The following SHISA6 variants were observed in gnomAD, a reference collection of about 807,000 sequenced individuals.
SHISA6 encodes the protein shisa family member 6.
A neutral mutation model predicts 47.9 loss-of-function variants in SHISA6; 22 were observed. The ratio of observed to expected loss-of-function variants is 0.46; its 90% CI spans 0.33 to 0.66. The LOEUF is 0.66. Among genes scored for constraint, SHISA6 ranks in the 30% least tolerant of loss-of-function variants. The pLI, the probability that SHISA6 is intolerant of heterozygous loss-of-function variation, is 0.02. For synonymous variants in SHISA6, 388 were observed against 337.8 expected, an observed-to-expected ratio of 1.15 and a Z score of -1.63; for missense variants, 680 against 764.6, an observed-to-expected ratio of 0.89 and a Z score of 1.30.
intron 3 of SHISA6, among the ~76,000 whole-genome samples, chr17:11,398,832 C>T (rs114386086): frequency 0.029 from 4,373 of 152,174 alleles, 178 homozygotes; most frequent in African/African-American, 0.086. Flanking sequence ...ACCTTGTGGT[C>T]TACCTGCTTT....
intron 3 of SHISA6, among the ~76,000 whole-genome samples, chr17:11,465,061 A>G (rs140402543): frequency 6.6e-6 from 1 of 152,308 alleles, no homozygotes; most frequent in East Asian, 1.9e-4. Context: ...CCAAAAGATT[A>G]AACTCCTTGT....
Position 11,351,014 on chromosome 17 carries a change from C to G in SHISA6, c.800-28400C>G, listed in dbSNP as rs369829427. ...CAGAGACATGGATGAAGCTGGAAAC[C>G]ATCATTCTCAGCAAGCTAACACAGG... On this transcript the variant is annotated intron_variant, in intron 2 of 5. Transcript: ENST00000441885. 3.7e-4 allele frequency among the ~76,000 whole-genome samples: 57 copies of G among 152,220 alleles called. 1 individual carries two copies. In the East Asian group the frequency reaches 9.1e-3, roughly 24 times the overall value.
At chr17:11,495,490 GGT>G (rs2071400462) in intron 3 of SHISA6, among the ~76,000 whole-genome samples, 1 of 152,274 alleles carries the variant, frequency 6.6e-6, no homozygotes, top group East Asian at 1.9e-4. Flanking sequence ...GGCTGGCCCA[GGT>G]GTGCTCTGAG....
At chr17:11,515,187 T>G in intron 3 of SHISA6, among the ~76,000 whole-genome samples, 1 of 143,888 alleles carries the variant, frequency 6.9e-6, no homozygotes, top group Non-Finnish European at 1.5e-5. Context: ...ATGCTCCATA[T>G]AGCTGGGATT....
intron 3 of SHISA6, among the ~76,000 whole-genome samples, chr17:11,538,938 TTTTG>T (rs963007782): frequency 2.4e-4 from 37 of 152,130 alleles, no homozygotes; most frequent in East Asian, 2.1e-3. Flanking sequence ...TTGTTGTTGT[TTTTG>T]TTTGTTTGTT....
At chr17:11,425,511 C>G (rs1914585840) in intron 3 of SHISA6, among the ~76,000 whole-genome samples, 1 of 152,082 alleles carries the variant, frequency 6.6e-6, no homozygotes, top group Non-Finnish European at 1.5e-5. Flanking sequence ...CAGATAGCCA[C>G]ATTTTCAGAC....
intron 3 of SHISA6, among the ~76,000 whole-genome samples, chr17:11,540,237 C>G (rs2071822042): frequency 6.6e-6 from 1 of 152,130 alleles, no homozygotes; most frequent in South Asian, 2.1e-4. Context: ...TCTCAGTGCT[C>G]CTGGATGCTG....
chr17:11,285,420 A>T (rs916530271), intron 2 of SHISA6, among the ~76,000 whole-genome samples: 4 of 152,170 alleles, frequency 2.6e-5, no homozygotes, highest in African/African-American at 7.2e-5. Flanking sequence ...CCTTGAGAGG[A>T]GCAAATCTTG....
chr17:11,365,235 A>T (rs974118798), intron 2 of SHISA6, among the ~76,000 whole-genome samples: 13 of 152,118 alleles, frequency 8.5e-5, no homozygotes, highest in Non-Finnish European at 1.8e-4. Context: ...CCCTTATTCT[A>T]TTAAGGTTGT....
At position 11,311,517 on chromosome 17, in the gene SHISA6, C is replaced by CT. The variant is rs561033843; in HGVS notation, c.799+47997dup. 3.9e-3 allele frequency among the ~76,000 whole-genome samples: 600 copies of CT among 152,296 alleles called. 2 individuals carry two copies. Among genetic ancestry groups the CT allele is most frequent in the Non-Finnish European group, 4.5e-3 (309 of 68,032 alleles). ...GTCCAATGAATTGGAATGCTTACCT[C>CT]TTTTTTCCTTAGCAGCATAAGTATA... is the stretch of plus-strand genomic sequence containing the variant. On this transcript the variant is annotated intron_variant, in intron 2 of 5. Transcript: ENST00000441885.
At chr17:11,374,354 AT>A (rs374674886) in intron 2 of SHISA6, among the ~76,000 whole-genome samples, 184 of 151,574 alleles carry the variant, frequency 1.2e-3, no homozygotes, top group African/African-American at 4.3e-3. Context: ...ACAGTTTAAA[AT>A]TTTTTTTTGT....
At chr17:11,545,540 T>C (rs2071876268) in intron 3 of SHISA6, among the ~76,000 whole-genome samples, 1 of 152,210 alleles carries the variant, frequency 6.6e-6, no homozygotes, top group African/African-American at 2.4e-5. Context: ...AACTGAGCAA[T>C]GAGTACACAG....
intron 3 of SHISA6, among the ~76,000 whole-genome samples, chr17:11,495,021 A>T (rs1470789205): frequency 1.3e-5 from 2 of 152,132 alleles, no homozygotes; most frequent in African/African-American, 4.8e-5. Context: ...CCGCCCAGTC[A>T]TGTGGGGTTT....
chr17:11,559,517 T>G lies in SHISA6; in HGVS notation c.*1213T>G, dbSNP rs2072019350. ...TCTACCTGCTCAGTTCAGAGATCAC[T>G]CCTACTGCCTGTGTCCCCTTCCCCC... On this transcript the variant is annotated 3_prime_UTR_variant, in exon 6 of 6. Transcript: ENST00000441885. The surrounding 1 kb of genome is among the most constrained non-coding windows in gnomAD (Gnocchi z 4.4). The G allele has an allele frequency of 6.6e-6, 1 of 152,620 alleles. No individual in the cohort carries two copies. Among genetic ancestry groups the G allele is most frequent in the South Asian group, 2.1e-4 (1 of 4,834 alleles). The allele number at this position is 152,620 out of a possible 1,614,324, so 9.5% of individuals were successfully genotyped here. A position where few individuals can be genotyped will look rare whatever the true frequency, so the allele number is the denominator to read the frequency against.
At chr17:11,389,109 G>C (rs1913303461) in intron 3 of SHISA6, among the ~76,000 whole-genome samples, 1 of 152,030 alleles carries the variant, frequency 6.6e-6, no homozygotes, top group African/African-American at 2.4e-5. Flanking sequence ...AAGCACTCAA[G>C]CATGGGACAA....
At chr17:11,461,698 G>C (rs924230624) in intron 3 of SHISA6, among the ~76,000 whole-genome samples, 2 of 152,140 alleles carry the variant, frequency 1.3e-5, no homozygotes, top group Non-Finnish European at 2.9e-5. Context: ...GGACATAGGG[G>C]CTGTCTCTAG....
chr17:11,308,426 C>G (rs1274904132), intron 2 of SHISA6, among the ~76,000 whole-genome samples: 1 of 152,098 alleles, frequency 6.6e-6, no homozygotes, highest in Non-Finnish European at 1.5e-5. Flanking sequence ...CTGGAAATGG[C>G]AGGAGCGTGG....
At position 11,347,193 on chromosome 17, in the gene SHISA6, GA is replaced by G. The variant is rs766021427; in HGVS notation, c.800-32210del. 7.2e-3 allele frequency among the ~76,000 whole-genome samples: 1,023 copies of G among 141,196 alleles called. 13 individuals carry two copies. The highest frequency in any genetic ancestry group is 0.023 in the African/African-American group (874 of 38,596). The allele number at this position is 141,196 out of a possible 152,430, so 92.6% of individuals were successfully genotyped here. A position where few individuals can be genotyped will look rare whatever the true frequency, so the allele number is the denominator to read the frequency against. On this transcript the variant is annotated intron_variant, in intron 2 of 5. Coordinates refer to ENST00000441885, the MANE Select transcript of SHISA6 (RefSeq NM_207386.4). ...TAGAGTTGGGCATCATTTTTTGAGGGAAAAAAAAAAAGGATATCCACAAAGA... is the reference window on the plus strand; with the variant it reads ...TAGAGTTGGGCATCATTTTTTGAGGGAAAAAAAAAAGGATATCCACAAAGA...
At chr17:11,399,337 C>T (rs1913684417) in intron 3 of SHISA6, among the ~76,000 whole-genome samples, 2 of 152,138 alleles carry the variant, frequency 1.3e-5, no homozygotes. Flanking sequence ...CTGTACTAAT[C>T]AATATTGAGT....
Sources: allele counts gnomAD v4.1 joint callset (sites outside exome capture counted in the v4.1 genomes callset), GRCh38; gene constraint gnomAD v4.1.1; non-coding constraint Gnocchi (gnomAD v3.1); transcripts MANE v1.5; gene names NCBI Gene and HGNC (gene_info 2026-07-23, HGNC 2026-07-21).